The following CRACR2A variants were observed in gnomAD, a reference collection of about 807,000 sequenced individuals.
The protein encoded by CRACR2A is EF-hand calcium-binding domain-containing protein 4B.
A neutral mutation model predicts 90.5 loss-of-function variants in CRACR2A; 79 were observed. The observed-to-expected ratio is 0.87, with a 90% confidence interval of 0.73 to 1.05. CRACR2A has a LOEUF of 1.05. Among genes scored for constraint, CRACR2A ranks in the 50% least tolerant of loss-of-function variants. CRACR2A has a pLI of 0.00. For synonymous variants in CRACR2A, 338 were observed against 356.7 expected, an observed-to-expected ratio of 0.95 and a Z score of 0.59; for missense variants, 823 against 897.2, an observed-to-expected ratio of 0.92 and a Z score of 1.06.
At chr12:3,693,037 G>C (rs1282392217) in intron 4 of CRACR2A, among the ~76,000 whole-genome samples, 2 of 152,178 alleles carry the variant, frequency 1.3e-5, no homozygotes, top group Non-Finnish European at 2.9e-5. Flanking sequence ...CAGCAGAAGA[G>C]GGAGGCAGAG....
intron 3 of CRACR2A, among the ~76,000 whole-genome samples, chr12:3,701,435 AT>A (rs1945831933): frequency 6.6e-6 from 1 of 152,194 alleles, no homozygotes; most frequent in South Asian, 2.1e-4. Context: ...CTTTGAGAAG[AT>A]TAATAAAGAG....
chr12:3,643,400 G>T (rs1023622124), intron 12 of CRACR2A, among the ~76,000 whole-genome samples: 12 of 152,134 alleles, frequency 7.9e-5, no homozygotes, highest in Non-Finnish European at 1.3e-4. Flanking sequence ...GATTCCTGTT[G>T]TATGGAGGGG....
intron 7 of CRACR2A, 71 bp from the exon 8 acceptor site, chr12:3,659,725 A>G (rs1050362332): frequency 8.0e-7 from 1 of 1,250,240 alleles, no homozygotes; most frequent in African/African-American, 1.5e-5. Context: ...TGGAGCTCAG[A>G]CACCAGTTCC....
chr12:3,703,470 A>G (rs1945866431), intron 3 of CRACR2A, among the ~76,000 whole-genome samples: 2 of 152,248 alleles, frequency 1.3e-5, no homozygotes, highest in South Asian at 2.1e-4. Context: ...ACCTGTAAAC[A>G]TAAAACTTCA....
In CRACR2A at chr12:3,696,834, G is replaced by C. The variant is rs758867207; in HGVS notation, c.166C>G (p.Gln56Glu). The C allele has an allele frequency of 6.2e-7, 1 of 1,614,214 alleles. No homozygotes were observed. Residue 56 changes from glutamine (Q) to glutamate (E), a missense_variant, in exon 4 of 20, where the codon CAG becomes GAG. Physicochemically the swap from Gln to Glu is conservative, Grantham distance 29 (BLOSUM62 2). Coordinates refer to ENST00000440314, the MANE Select transcript of CRACR2A (RefSeq NM_001144958.2). The stretch of plus-strand genomic sequence containing the variant: ...GCATCACAGGTCTGAAAGAACTCCT[G>C]TGCCTTCCTCAGCATGACTAGCTGG... ...SGQLVMLRKA[Q>E]EFFQTCDAEG...
rs10682246 is a variant in CRACR2A at position 3,745,825 on chromosome 12, TAAAG to T, written c.-387+7186_-387+7189del. The stretch of plus-strand genomic sequence containing the variant: ...TAAAATAAAATAAAATAAAATAAAA[TAAAG>T]AAAGAAAAGAGAAGAGAAAAGAAAA... On this transcript the variant is annotated intron_variant, in intron 1 of 19. Coordinates refer to ENST00000440314, the MANE Select transcript of CRACR2A (RefSeq NM_001144958.2). Among the ~76,000 whole-genome samples, 84 of 100,470 alleles carry T rather than the reference TAAAG, an allele frequency of 8.4e-4. 2 individuals are homozygous for T. The highest frequency in any genetic ancestry group is 1.2e-3 in the Non-Finnish European group (59 of 50,814). 65.9% of individuals were successfully genotyped at this position (100,470 alleles called of 152,430 possible). A position where few individuals can be genotyped will look rare whatever the true frequency, so the allele number is the denominator to read the frequency against.
At chr12:3,730,615 C>G (rs975846815) in intron 2 of CRACR2A, 1 of 151,950 alleles carries the variant, frequency 6.6e-6, no homozygotes, top group Non-Finnish European at 1.5e-5. Context: ...GGATACTATG[C>G]CCCTGTAAAA....
intron 1 of CRACR2A, among the ~76,000 whole-genome samples, chr12:3,736,951 C>T (rs1946458444): frequency 6.6e-6 from 1 of 152,170 alleles, no homozygotes; most frequent in African/African-American, 2.4e-5. Flanking sequence ...CAATAAGCAA[C>T]AGCTATCATG....
At chr12:3,636,249 T>G (rs1375037800) in intron 14 of CRACR2A, among the ~76,000 whole-genome samples, 3 of 152,226 alleles carry the variant, frequency 2.0e-5, no homozygotes, top group African/African-American at 7.2e-5. Context: ...TTGTACCAAT[T>G]TACACCTCAC....
Position 3,642,984 on chromosome 12 carries a change from T to C in CRACR2A, c.1165-1146A>G, listed in dbSNP as rs145071938. Among the ~76,000 whole-genome samples, 3 of 152,340 alleles carry C rather than the reference T, an allele frequency of 2.0e-5. No homozygotes were observed. In the East Asian group the frequency reaches 5.8e-4, roughly 29 times the overall value. ...ATTCTTATTGAATTTATCCCTTTCT[T>C]TGATTCCCCACAGAAGTTCTTAATT... On this transcript the variant is annotated intron_variant, in intron 12 of 19. Coordinates refer to ENST00000440314, the MANE Select transcript of CRACR2A (RefSeq NM_001144958.2).
At chr12:3,657,547 C>A (rs1944937955) in intron 8 of CRACR2A, among the ~76,000 whole-genome samples, 1 of 152,130 alleles carries the variant, frequency 6.6e-6, no homozygotes, top group Non-Finnish European at 1.5e-5. Context: ...TTCTTCTGCC[C>A]ATTTCTAGGC....
intron 4 of CRACR2A, among the ~76,000 whole-genome samples, chr12:3,681,250 T>A (rs1945445373): frequency 6.6e-6 from 1 of 152,234 alleles, no homozygotes; most frequent in Non-Finnish European, 1.5e-5. Context: ...AGCTCCCTGC[T>A]GACTGGTAAG....
At chr12:3,666,920 G>C (rs1324568372) in intron 7 of CRACR2A, among the ~76,000 whole-genome samples, 1 of 152,238 alleles carries the variant, frequency 6.6e-6, no homozygotes, top group African/African-American at 2.4e-5. Flanking sequence ...TGAAAGCGTA[G>C]GCTTGGCCTT....
At chr12:3,695,841 C>A (rs1945730024) in intron 4 of CRACR2A, among the ~76,000 whole-genome samples, 1 of 152,212 alleles carries the variant, frequency 6.6e-6, no homozygotes, top group Admixed American at 6.5e-5. Flanking sequence ...CAAGTGAAAT[C>A]TTGACTGCAG....
intron 11 of CRACR2A, chr12:3,648,075 TG>T (rs1944722448): frequency 1.0e-6 from 1 of 995,116 alleles, no homozygotes; most frequent in Non-Finnish European, 1.2e-6. Context: ...ATTTCCATTC[TG>T]GCCCCATCAG....
rs543894066 is a variant in CRACR2A, at chr12:3,646,760, C to T, written c.1118+1782G>A. 3.3e-5 allele frequency among the ~76,000 whole-genome samples: 5 copies of T among 152,286 alleles called. No homozygotes were observed. The East Asian group carries it at 5.8e-4, about 18-fold the overall frequency. ...CCTTGGGAGACCTGGAAAGTCCCACCGTTTTTTGGAAAGCAGGCTGCATTG... is the reference window on the plus strand; with the variant it reads ...CCTTGGGAGACCTGGAAAGTCCCACTGTTTTTTGGAAAGCAGGCTGCATTG... On this transcript the variant is annotated intron_variant, in intron 11 of 19. Coordinates refer to ENST00000440314, the MANE Select transcript of CRACR2A (RefSeq NM_001144958.2).
At chr12:3,666,364 T>TGTGTGTGTGTGTGTGTGTGCGC (rs765943563) in intron 7 of CRACR2A, among the ~76,000 whole-genome samples, 1 of 149,600 alleles carries the variant, frequency 6.7e-6, no homozygotes, top group African/African-American at 2.5e-5. Context: ...TGCGTGCGTG[T>TGTGTGTGTGTGTGTGTGTGCGC]GCGCGTGCGC....
At chr12:3,628,907 C>T (rs911852988) in intron 15 of CRACR2A, among the ~76,000 whole-genome samples, 6 of 152,270 alleles carry the variant, frequency 3.9e-5, no homozygotes, top group Non-Finnish European at 5.9e-5. Flanking sequence ...TTAAGACCCA[C>T]GAGTGAGGAG....
At chr12:3,617,905 C>T (rs1311443670) in intron 18 of CRACR2A, among the ~76,000 whole-genome samples, 2 of 152,210 alleles carry the variant, frequency 1.3e-5, no homozygotes, top group African/African-American at 4.8e-5. Context: ...CAGGCCAGCT[C>T]GACCCTCTGC....
Sources: allele counts gnomAD v4.1 joint callset (sites outside exome capture counted in the v4.1 genomes callset), GRCh38; gene constraint gnomAD v4.1.1; transcripts MANE v1.5; gene names NCBI Gene and HGNC (gene_info 2026-07-23, HGNC 2026-07-21).